Variants in DPP10 observed in about 807,000 individuals in gnomAD.
DPP10 encodes the protein dipeptidyl peptidase like 10.
In DPP10, 33 loss-of-function variants were observed where a neutral mutation model predicts 120.9. The ratio of observed to expected loss-of-function variants is 0.27; its 90% CI spans 0.21 to 0.37. The LOEUF (loss-of-function observed/expected upper bound fraction) is 0.37. Ranked by LOEUF, DPP10 falls within the 10% of genes least tolerant of loss-of-function variation. The probability of loss-of-function intolerance (pLI) is 1.00; values close to 1 mark genes in which losing one functional copy is unlikely to be tolerated. For synonymous variants in DPP10, 337 were observed against 326.1 expected, an observed-to-expected ratio of 1.03 and a Z score of -0.36; for missense variants, 816 against 942.8, an observed-to-expected ratio of 0.87 and a Z score of 1.76.
At chr2:114,502,654 G>T (rs1041275004) in intron 1 of DPP10, among the ~76,000 whole-genome samples, 1 of 151,912 alleles carries the variant, frequency 6.6e-6, no homozygotes, top group Non-Finnish European at 1.5e-5. Context: ...TTCTCATGTG[G>T]GTGCACACAA....
intron 3 of DPP10, among the ~76,000 whole-genome samples, chr2:115,455,273 C>G (rs913179011): frequency 6.6e-6 from 1 of 151,682 alleles, no homozygotes; most frequent in African/African-American, 2.4e-5. Context: ...TATCAAAATT[C>G]TAAGTAGGCT....
At chr2:114,491,414 A>G (rs1365016103) in intron 1 of DPP10, among the ~76,000 whole-genome samples, 1 of 152,174 alleles carries the variant, frequency 6.6e-6, no homozygotes, top group East Asian at 1.9e-4. Flanking sequence ...TAAACTTGCA[A>G]TGGATATCCT....
intron 17 of DPP10, among the ~76,000 whole-genome samples, chr2:115,784,789 C>T (rs549852244): frequency 1.3e-5 from 2 of 152,246 alleles, no homozygotes; most frequent in African/African-American, 4.8e-5. Context: ...GCCACAGCCT[C>T]CCAAAGTGCT....
At position 114,569,877 on chromosome 2, in the gene DPP10, T is replaced by C. The variant is rs192576181; in HGVS notation, c.60+127039T>C. ...CTATCAGCCATCTGTTAATCAATTA[T>C]TTATTAATTATCTATGTAGCCATCT... On this transcript the variant is annotated intron_variant, in intron 1 of 25. Transcript: ENST00000410059. Among the ~76,000 whole-genome samples the C allele has an allele frequency of 3.3e-3, 510 of 152,296 alleles. 3 individuals are homozygous for C. Among genetic ancestry groups the C allele is most frequent in the African/African-American group, 0.012 (491 of 41,562 alleles).
intron 5 of DPP10, among the ~76,000 whole-genome samples, chr2:115,657,338 C>T (rs2088462088): frequency 6.6e-6 from 1 of 151,770 alleles, no homozygotes. Flanking sequence ...TCATTTAAAA[C>T]TTACACTGTC....
intron 1 of DPP10, among the ~76,000 whole-genome samples, chr2:114,911,608 C>A (rs1465280261): frequency 1.3e-5 from 2 of 152,010 alleles, no homozygotes; most frequent in Admixed American, 1.3e-4. Context: ...TAATTTGGGG[C>A]AAAGGATGAG....
intron 22 of DPP10, 77 bp downstream of exon 22, chr2:115,836,333 A>G (rs961206646): frequency 2.8e-6 from 4 of 1,413,746 alleles, no homozygotes; most frequent in Admixed American, 2.0e-5. Flanking sequence ...GAATAGCTCA[A>G]TTGAGCTCAT....
chr2:115,410,165 A>G (rs2068833402), intron 3 of DPP10, among the ~76,000 whole-genome samples: 1 of 152,232 alleles, frequency 6.6e-6, no homozygotes, highest in Non-Finnish European at 1.5e-5. Flanking sequence ...ATTCTGTTAT[A>G]AAGATACGTG....
rs2078111761 is a variant in DPP10 at position 115,525,987 on chromosome 2, T to C, written c.441+15T>C. 6.3e-7 allele frequency: 1 copy of C among 1,590,674 alleles called. No individual in the cohort carries two copies. The highest frequency in any genetic ancestry group is 8.6e-7 in the Non-Finnish European group (1 of 1,168,386). On this transcript the variant is annotated intron_variant, in intron 5 of 25. Transcript: ENST00000410059. ...ATGTCAAACAGGTAAAGGAGTGATC[T>C]TCTTTGAGAATACTTTTCTTTGTGA...
At chr2:114,972,629 C>T (rs1046718504) in intron 1 of DPP10, among the ~76,000 whole-genome samples, 3 of 152,222 alleles carry the variant, frequency 2.0e-5, no homozygotes, top group African/African-American at 7.2e-5. Flanking sequence ...TGTATTGACT[C>T]TCATGGTGAA....
chr2:114,919,847 T>A (rs192698178), intron 1 of DPP10, among the ~76,000 whole-genome samples: 29 of 152,298 alleles, frequency 1.9e-4, no homozygotes, highest in Non-Finnish European at 4.1e-4. Flanking sequence ...CAGTCACATT[T>A]TCAGTGCCTG....
chr2:115,339,521 T>A (rs545651207), intron 2 of DPP10, among the ~76,000 whole-genome samples: 1 of 152,210 alleles, frequency 6.6e-6, no homozygotes, highest in Admixed American at 6.5e-5. Context: ...TTATAGTAAC[T>A]TTATTTTTAA....
In DPP10 at chr2:115,766,574, C is replaced by T. The variant is rs893562622; in HGVS notation, c.1114-1723C>T. Among the ~76,000 whole-genome samples, 12 of 151,874 alleles carry T rather than the reference C, an allele frequency of 7.9e-5. No individual in the cohort carries two copies. The East Asian group carries it at 2.1e-3, about 27-fold the overall frequency. ...ATATACAAACAAACGCATACATACA[C>T]AAATTATACGTTGAATGGTGTTAGT... On this transcript the variant is annotated intron_variant, in intron 12 of 25. Transcript: ENST00000410059.
intron 1 of DPP10, among the ~76,000 whole-genome samples, chr2:114,796,492 A>G (rs1265804717): frequency 6.6e-6 from 1 of 151,972 alleles, no homozygotes; most frequent in Non-Finnish European, 1.5e-5. Flanking sequence ...ATAACATACA[A>G]AATATGTGTT....
chr2:115,565,638 A>C (rs914309039), intron 5 of DPP10, among the ~76,000 whole-genome samples: 1 of 151,856 alleles, frequency 6.6e-6, no homozygotes, highest in African/African-American at 2.4e-5. Flanking sequence ...TATTTCCATA[A>C]TCTTTCTTTG....
At chr2:115,750,145 A>C (rs1294701913) in intron 10 of DPP10, 2 of 985,288 alleles carry the variant, frequency 2.0e-6, no homozygotes, top group East Asian at 1.1e-4. Context: ...GAGTTCCAGG[A>C]GGACAGCTAC....
rs544491082 is a variant in DPP10 at position 114,508,041 on chromosome 2, T to G, written c.60+65203T>G. 7.2e-5 allele frequency among the ~76,000 whole-genome samples: 11 copies of G among 152,284 alleles called. No homozygotes were observed. The East Asian group carries it at 2.1e-3, about 29-fold the overall frequency. On this transcript the variant is annotated intron_variant, in intron 1 of 25. Transcript: ENST00000410059. ...CTTCCTTCCTTTCCTCTTTCTTTCC[T>G]TTCTTCTTTTTTCCATCTCTCTCTC... is the stretch of plus-strand genomic sequence containing the variant.
intron 1 of DPP10, among the ~76,000 whole-genome samples, chr2:114,582,502 T>A (rs1053058469): frequency 1.3e-5 from 2 of 152,220 alleles, no homozygotes; most frequent in Non-Finnish European, 1.5e-5. Context: ...TTTAATTTTA[T>A]AAGAAACTGT....
Position 115,642,800 on chromosome 2 carries a change from C to T in DPP10, c.442-46887C>T, listed in dbSNP as rs2086893824. On this transcript the variant is annotated intron_variant, in intron 5 of 25. Coordinates refer to ENST00000410059, the MANE Select transcript of DPP10 (RefSeq NM_020868.6). ...TCTCTGGAGCATTCTGATACAGACACATTTCTGATTATAGATTTAATATAT... is the reference window on the plus strand; with the variant it reads ...TCTCTGGAGCATTCTGATACAGACATATTTCTGATTATAGATTTAATATAT... Among the ~76,000 whole-genome samples the T allele has an allele frequency of 1.3e-5, 2 of 151,968 alleles. 1 individual carries two copies. The highest frequency in any genetic ancestry group is 4.1e-4 in the South Asian group (2 of 4,826).
Sources: allele counts gnomAD v4.1 joint callset (sites outside exome capture counted in the v4.1 genomes callset), GRCh38; gene constraint gnomAD v4.1.1; transcripts MANE v1.5; gene names NCBI Gene and HGNC (gene_info 2026-07-23, HGNC 2026-07-21).